The following DOCK11 variants were observed in gnomAD, a reference collection of about 807,000 sequenced individuals.
DOCK11 encodes dedicator of cytokinesis 11.
Under a neutral mutation model 169.1 loss-of-function variants are expected in DOCK11, and 70 were observed. The ratio of observed to expected loss-of-function variants is 0.41; its 90% CI spans 0.34 to 0.51. The LOEUF (loss-of-function observed/expected upper bound fraction) is 0.51. DOCK11 is among the 20% of genes least tolerant of loss of function. DOCK11 has a pLI of 0.10. For missense variants in DOCK11, 1,166 were observed against 1,538.8 expected (o/e 0.76, Z 4.05); for synonymous variants, 529 against 541.3 (o/e 0.98, Z 0.32).
At chrX:118,586,671 C>T (rs1289725688) in intron 16 of DOCK11, among the ~76,000 whole-genome samples, 1 of 111,768 alleles carries the variant, frequency 8.9e-6, no homozygotes, top group Non-Finnish European at 1.9e-5. Context: ...GAAAGAGAGC[C>T]AGCATGTGGT....
At chrX:118,516,429 C>G in intron 1 of DOCK11, among the ~76,000 whole-genome samples, 1 of 79,558 alleles carries the variant, frequency 1.3e-5, no homozygotes, top group South Asian at 7.1e-4. Flanking sequence ...CCTCCCCTCC[C>G]CTCCTTTTTC....
intron 6 of DOCK11, among the ~76,000 whole-genome samples, chrX:118,560,048 T>C (rs1255707376): frequency 9.0e-6 from 1 of 111,073 alleles, no homozygotes; most frequent in African/African-American, 3.3e-5. Flanking sequence ...CTTCCCGAGA[T>C]AGAAGCTGTA....
rs1446026852 is a variant in DOCK11 at position 118,543,530 on chromosome X, C to G, written c.329C>G (p.Thr110Arg). Residue 110 changes from threonine to arginine, a missense_variant, in exon 4 of 53, where the codon ACA becomes AGA. Coordinates refer to ENST00000276202, the MANE Select transcript of DOCK11 (RefSeq NM_144658.4). Reference protein sequence around the residue: ...FVKECIKTYSTDWHVVNYKYE... With the variant: ...FVKECIKTYSRDWHVVNYKYE... Reference sequence around the variant, plus strand: ...TTTCAGTGTATTAAAACCTATAGCACAGATTGGCACGTGGTAAACTACAAG... The same window carrying G: ...TTTCAGTGTATTAAAACCTATAGCAGAGATTGGCACGTGGTAAACTACAAG... 1.7e-6 allele frequency: 2 copies of G among 1,207,246 alleles called. No individual in the cohort carries two copies. Among genetic ancestry groups the G allele is most frequent in the Non-Finnish European group, 2.2e-6 (2 of 891,273 alleles).
rs751850877 is a variant in DOCK11, at chrX:118,614,701, A to G, written c.3106A>G (p.Thr1036Ala). ...GTTTTGGTTTCTATAGCGCTGTTTGACACTAATGGATAGAGGATTTATTTT... is the reference window on the plus strand; with the variant it reads ...GTTTTGGTTTCTATAGCGCTGTTTGGCACTAATGGATAGAGGATTTATTTT... Reference protein sequence around the residue: ...SLASFLKRCLTLMDRGFIFNL... With the variant: ...SLASFLKRCLALMDRGFIFNL... The change falls in exon 29 of 53, where the codon ACA becomes GCA. Residue 1036 changes from threonine (T) to alanine (A), a missense_variant. Thr to Ala is a moderately conservative substitution (Grantham distance 58). Transcript: ENST00000276202. 6 of 1,182,259 alleles carry G rather than the reference A, an allele frequency of 5.1e-6. No homozygotes were observed. The highest frequency in any genetic ancestry group is 1.8e-5 in the African/African-American group (1 of 56,522).
At chrX:118,545,490 G>A in intron 5 of DOCK11, 98 bp downstream of exon 5, 1 of 658,934 alleles carries the variant, frequency 1.5e-6, no homozygotes, top group Non-Finnish European at 2.2e-6. Flanking sequence ...AAAATATGAA[G>A]GAAATAATTA....
intron 1 of DOCK11, among the ~76,000 whole-genome samples, chrX:118,538,142 T>C (rs1388479532): frequency 8.9e-6 from 1 of 112,248 alleles, no homozygotes; most frequent in Non-Finnish European, 1.9e-5. Context: ...AAGAAAAATA[T>C]GAAGTAAATG....
chrX:118,607,011 G>A (rs964220345), intron 24 of DOCK11, among the ~76,000 whole-genome samples: 9 of 108,182 alleles, frequency 8.3e-5, no homozygotes, highest in Non-Finnish European at 1.1e-4. Flanking sequence ...TTTTCATTGC[G>A]TCTTTATTCC....
Position 118,680,680 on chromosome X carries a change from A to G in DOCK11, c.5659A>G (p.Thr1887Ala). Reference protein sequence around the residue: ...GCIEEQCKRRTILTTSNSFPY... With the variant: ...GCIEEQCKRRAILTTSNSFPY... Reference sequence around the variant, plus strand: ...TATAGAAGAACAGTGCAAACGCCGTACAATCTTGACAAGTAAGTACAATTT... The same window carrying G: ...TATAGAAGAACAGTGCAAACGCCGTGCAATCTTGACAAGTAAGTACAATTT... Residue 1887 changes from threonine to alanine, a missense_variant, in exon 49 of 53, where the codon ACA becomes GCA. Thr to Ala is a moderately conservative substitution (Grantham distance 58). Transcript: ENST00000276202. 4 of 1,174,448 alleles carry G rather than the reference A, an allele frequency of 3.4e-6. No homozygotes were observed. The highest frequency in any genetic ancestry group is 4.6e-6 in the Non-Finnish European group (4 of 875,320).
intron 41 of DOCK11, among the ~76,000 whole-genome samples, chrX:118,650,242 G>A (rs888385672): frequency 4.5e-5 from 5 of 112,026 alleles, no homozygotes; most frequent in African/African-American, 9.7e-5. Flanking sequence ...AAAATAAGGC[G>A]TGTATAGTGC....
intron 1 of DOCK11, 145 bp from the exon 2 acceptor site, chrX:118,542,580 A>G (rs1363247364): frequency 2.5e-5 from 12 of 481,686 alleles, no homozygotes; most frequent in Non-Finnish European, 4.0e-5. Context: ...TATGAAGACT[A>G]TTTCTCTTGT....
At position 118,649,059 on chromosome X, in the gene DOCK11, T is replaced by C. The variant is rs1245024782; in HGVS notation, c.4513T>C (p.Leu1505=). The part of the protein sequence containing the change: ...SSTRNEASAL[L]YLLMRNNFEY... ...AACCAGGAATGAAGCATCTGCACTT[T>C]TGTATCTTTTGATGAGAAACAACTT... The change falls in exon 41 of 53, where the codon TTG becomes CTG. Residue 1505 remains leucine (L), a synonymous_variant. Transcript: ENST00000276202. The C allele has an allele frequency of 8.3e-7, 1 of 1,209,333 alleles. No homozygotes were observed. The highest frequency in any genetic ancestry group is 3.0e-5 in the East Asian group (1 of 33,749).
intron 47 of DOCK11, 118 bp downstream of exon 47, chrX:118,676,167 C>A: frequency 2.2e-6 from 1 of 463,510 alleles, no homozygotes; most frequent in Non-Finnish European, 3.7e-6. Flanking sequence ...AGCAGGGAGC[C>A]TCTTTTGTAT....
chrX:118,662,382 T>C (rs1414283577), intron 44 of DOCK11, among the ~76,000 whole-genome samples: 2 of 112,090 alleles, frequency 1.8e-5, no homozygotes, highest in Admixed American at 1.9e-4. Flanking sequence ...AGGATCAAAG[T>C]TTAAATAAAA....
intron 40 of DOCK11, among the ~76,000 whole-genome samples, chrX:118,647,708 A>AT (rs765902542): frequency 0.054 from 3,085 of 56,854 alleles, 119 homozygotes; most frequent in Non-Finnish European, 0.074. Context: ...AATATATAAT[A>AT]ATATAATATA....
chrX:118,606,874 A>C (rs1299428138), intron 24 of DOCK11, among the ~76,000 whole-genome samples: 2 of 110,962 alleles, frequency 1.8e-5, no homozygotes, highest in East Asian at 5.7e-4. Flanking sequence ...GCAATCTATT[A>C]AAAGGGCCCA....
intron 1 of DOCK11, among the ~76,000 whole-genome samples, chrX:118,541,376 G>A (rs1360448698): frequency 8.9e-6 from 1 of 111,903 alleles, no homozygotes; most frequent in Non-Finnish European, 1.9e-5. Flanking sequence ...ATATGGCTGT[G>A]GGGGTTGAGG....
At position 118,550,703 on chromosome X, in the gene DOCK11, G is replaced by A. The variant is rs147624222; in HGVS notation, c.558+4587G>A. 6.4e-3 allele frequency among the ~76,000 whole-genome samples: 715 copies of A among 111,151 alleles called. 16 individuals are homozygous for A. In the South Asian group the frequency reaches 0.065, roughly 10 times the overall value. The stretch of plus-strand genomic sequence containing the variant: ...GTACCTTTCAGTGCTCTGTTACAGG[G>A]TGGGGGATCATATAAGTTCTTCCTG... On this transcript the variant is annotated intron_variant, in intron 6 of 52. Transcript: ENST00000276202.
intron 6 of DOCK11, among the ~76,000 whole-genome samples, chrX:118,555,828 G>A (rs902611621): frequency 1.8e-5 from 2 of 110,053 alleles, no homozygotes; most frequent in African/African-American, 6.6e-5. Context: ...CTCTTCCATT[G>A]TGTTCTGTCT....
chrX:118,611,024 G>A, intron 28 of DOCK11, among the ~76,000 whole-genome samples: 1 of 111,630 alleles, frequency 9.0e-6, no homozygotes, highest in East Asian at 2.8e-4. Flanking sequence ...GGGCAATAGA[G>A]TAAGACTCCA....
Sources: allele counts gnomAD v4.1 joint callset (sites outside exome capture counted in the v4.1 genomes callset), GRCh38; gene constraint gnomAD v4.1.1; transcripts MANE v1.5; gene names NCBI Gene and HGNC (gene_info 2026-07-23, HGNC 2026-07-21).